The following ANXA8 variants were observed in gnomAD, a reference collection of about 807,000 sequenced individuals.
The protein encoded by ANXA8 is annexin A8.
Under a neutral mutation model 26.8 loss-of-function variants are expected in ANXA8, and 9 were observed. The observed-to-expected ratio is 0.34, with a 90% CI of 0.20 to 0.59. The LOEUF is 0.59. ANXA8 is among the 20% of genes least tolerant of loss of function. The pLI is 0.84. For synonymous variants in ANXA8, 39 were observed against 94.8 expected (o/e 0.41, Z 3.42); for missense variants, 83 against 238.5 (o/e 0.35, Z 4.29).
chr10:47,567,911 T>C, the ANXA8 span: 16 of 490,030 alleles, frequency 3.3e-5, no homozygotes, highest in Admixed American at 2.5e-4. Flanking sequence ...TTTACTTTTT[T>C]AACCTTTATA....
the ANXA8 span, among the ~76,000 whole-genome samples, chr10:47,920,570 C>T: frequency 8.0e-6 from 1 of 125,166 alleles, no homozygotes; most frequent in African/African-American, 3.1e-5. Flanking sequence ...TGGCCTTGTG[C>T]TCTGCAAAAA....
chr10:47,657,085 G>A, the ANXA8 span, among the ~76,000 whole-genome samples: 2 of 149,812 alleles, frequency 1.3e-5, no homozygotes, highest in East Asian at 2.0e-4. Flanking sequence ...TGACTTCAAG[G>A]CATTTTCTAT....
the ANXA8 span, among the ~76,000 whole-genome samples, chr10:47,743,170 CAAAAAAAA>C: frequency 2.7e-4 from 10 of 37,018 alleles, no homozygotes; most frequent in African/African-American, 9.6e-4. Flanking sequence ...GACTCTGTCT[CAAAAAAAA>C]AAAAAAAAAA....
chr10:47,506,854 T>C, the ANXA8 span, among the ~76,000 whole-genome samples: 3 of 135,976 alleles, frequency 2.2e-5, no homozygotes, highest in Non-Finnish European at 4.8e-5. Context: ...TTAGCCAGGA[T>C]GGTCTCGATC....
the ANXA8 span, among the ~76,000 whole-genome samples, chr10:47,743,301 T>TATATACATATATATATAC: frequency 4.7e-3 from 193 of 41,254 alleles, 19 homozygotes; most frequent in Middle Eastern, 0.019. Flanking sequence ...TATACACATA[T>TATATACATATATATATAC]ATATATATAT....
At chr10:47,559,704 C>CAT in the ANXA8 span, among the ~76,000 whole-genome samples, 27,975 of 150,786 alleles carry the variant, frequency 0.19, 2,816 homozygotes, top group East Asian at 0.51. Context: ...GAATTAAAAA[C>CAT]GTGTGTATCA....
chr10:47,607,568 T>G, the ANXA8 span, among the ~76,000 whole-genome samples: 174 of 131,962 alleles, frequency 1.3e-3, no homozygotes, highest in Non-Finnish European at 2.0e-3. Flanking sequence ...TTTGCAAATT[T>G]TTATTATATT....
the ANXA8 span, among the ~76,000 whole-genome samples, chr10:47,944,966 C>G: frequency 6.7e-6 from 1 of 149,426 alleles, no homozygotes. Context: ...ACTCTCTGCA[C>G]TCTCTCCTGC....
chr10:47,697,434 A>T, the ANXA8 span, among the ~76,000 whole-genome samples: 2 of 151,446 alleles, frequency 1.3e-5, no homozygotes. Context: ...GAAGTATCAT[A>T]CAAGAAAATA....
At chr10:47,932,691 G>GCTCTCTCT in the ANXA8 span, among the ~76,000 whole-genome samples, 106 of 88,022 alleles carry the variant, frequency 1.2e-3, 17 homozygotes, top group South Asian at 2.4e-3. Context: ...CAAAGAGCAT[G>GCTCTCTCT]CTCTCTCTCT....
the ANXA8 span, among the ~76,000 whole-genome samples, chr10:47,603,523 T>G: frequency 6.9e-6 from 1 of 145,982 alleles, no homozygotes; most frequent in Admixed American, 6.6e-5. Flanking sequence ...TACTTTTTTT[T>G]TTTTTTGAGA....
At chr10:47,648,213 CTA>C in the ANXA8 span, among the ~76,000 whole-genome samples, 25,794 of 147,380 alleles carry the variant, frequency 0.18, 1,275 homozygotes, top group East Asian at 0.43. Context: ...ATTCTCTTGC[CTA>C]TGTTTCTCTA....
At chr10:47,528,112 C>T in the ANXA8 span, among the ~76,000 whole-genome samples, 1 of 133,356 alleles carries the variant, frequency 7.5e-6, no homozygotes, top group Admixed American at 7.9e-5. Flanking sequence ...TGGAGTCTTG[C>T]TCTGTCACCC....
the ANXA8 span, among the ~76,000 whole-genome samples, chr10:47,765,981 C>G: frequency 6.6e-6 from 1 of 150,582 alleles, no homozygotes; most frequent in African/African-American, 2.5e-5. Flanking sequence ...CCCCCAGCAT[C>G]TTGCCTTCTG....
chr10:47,683,981 C>A, the ANXA8 span, among the ~76,000 whole-genome samples: 7 of 151,854 alleles, frequency 4.6e-5, no homozygotes, highest in Non-Finnish European at 8.8e-5. Context: ...CCTGCTGATA[C>A]AATTCATCCT....
chr10:47,986,195 G>A, the ANXA8 span: 1 of 150,760 alleles, frequency 6.6e-6, no homozygotes, highest in African/African-American at 2.4e-5. Context: ...AAGTGTTTGC[G>A]TTCTTTTCCT....
At chr10:47,945,514 G>A in the ANXA8 span, among the ~76,000 whole-genome samples, 1 of 150,116 alleles carries the variant, frequency 6.7e-6, no homozygotes, top group Non-Finnish European at 1.5e-5. Context: ...CAAAACCAGG[G>A]TGAAGATGGG....
the ANXA8 span, among the ~76,000 whole-genome samples, chr10:47,658,921 G>C: frequency 1.2e-4 from 18 of 148,130 alleles, no homozygotes; most frequent in Non-Finnish European, 2.5e-4. Flanking sequence ...GCCCAGGCTG[G>C]AGTGCAGTGG....
At chr10:47,975,781 G>A in the ANXA8 span, among the ~76,000 whole-genome samples, 4 of 147,138 alleles carry the variant, frequency 2.7e-5, no homozygotes, top group South Asian at 6.8e-4. Flanking sequence ...CCTGGGTACA[G>A]AGAAGGCTCT....
Sources: allele counts gnomAD v4.1 joint callset (sites outside exome capture counted in the v4.1 genomes callset), GRCh38; gene constraint gnomAD v4.1.1; transcripts MANE v1.5; gene names NCBI Gene and HGNC (gene_info 2026-07-23, HGNC 2026-07-21).